The following OR4K17 variants were observed in gnomAD, a reference collection of about 807,000 sequenced individuals.
OR4K17 encodes olfactory receptor family 4 subfamily K member 17.
For missense variants in OR4K17, 480 were observed against 366.3 expected, an observed-to-expected ratio of 1.31 and a Z score of -2.53; for synonymous variants, 157 against 132.8, an observed-to-expected ratio of 1.18 and a Z score of -1.25.
Position 20,118,297 on chromosome 14 carries a change from T to C in OR4K17, c.798T>C (p.Ser266=). The change falls in exon 2 of 2, where the codon TCT becomes TCC. Residue 266 remains serine (S), a synonymous_variant. Transcript: ENST00000641386. ...ACATTTGGCCCTTCGGCAACCACTC[T>C]GTAGATAAGTTCCTTGCTGTGTTTT... ...FIYIWPFGNH[S]VDKFLAVFYT... The C allele has an allele frequency of 2.5e-6, 4 of 1,613,882 alleles. No homozygotes were observed. The highest frequency in any genetic ancestry group is 1.1e-5 in the South Asian group (1 of 91,080).
chr14:20,117,695 C>T lies in OR4K17; in HGVS notation c.196C>T (p.Leu66Phe), dbSNP rs780581545. The change falls in exon 2 of 2, where the codon CTC (leucine) becomes TTC (phenylalanine). Residue 66 changes from leucine (L) to phenylalanine (F), a missense_variant. By Grantham distance (22) the Leu-to-Phe change is conservative. Coordinates refer to ENST00000641386, the MANE Select transcript of OR4K17 (RefSeq NM_001004715.5). ...NTPMYFLLGNLSFVDMTLASF... is the reference protein window; with the variant it reads ...NTPMYFLLGNFSFVDMTLASF... ...TCCCATGTATTTTCTCCTTGGTAAT[C>T]TCTCTTTTGTAGATATGACCCTTGC... is the stretch of plus-strand genomic sequence containing the variant. 1 of 1,613,988 alleles carries T rather than the reference C, an allele frequency of 6.2e-7. No individual in the cohort carries two copies. The highest frequency in any genetic ancestry group is 8.5e-7 in the Non-Finnish European group (1 of 1,179,930).
At chr14:20,113,026 C>T (rs1030007361) in intron 1 of OR4K17, among the ~76,000 whole-genome samples, 14 of 152,046 alleles carry the variant, frequency 9.2e-5, no homozygotes, top group African/African-American at 3.4e-4. Context: ...TTTGACACAG[C>T]TATTGATACA....
rs747067322 is a variant in OR4K17, at chr14:20,118,968, C to A, written c.*530C>A. 2 of 153,140 alleles carry A rather than the reference C, an allele frequency of 1.3e-5. No individual in the cohort carries two copies. The highest frequency in any genetic ancestry group is 2.9e-5 in the Non-Finnish European group (2 of 68,820). The allele number at this position is 153,140 out of a possible 1,614,324, so 9.5% of individuals were successfully genotyped here. A position where few individuals can be genotyped will look rare whatever the true frequency, so the allele number is the denominator to read the frequency against. ...CCTCACCCTAATAGGCCTGGGGACA[C>A]TACAGGAGACTGGGGCTTATTTCAT... On this transcript the variant is annotated 3_prime_UTR_variant, in exon 2 of 2. Transcript: ENST00000641386.
intron 1 of OR4K17, among the ~76,000 whole-genome samples, chr14:20,113,602 C>T (rs1419481152): frequency 6.6e-6 from 1 of 152,006 alleles, no homozygotes; most frequent in East Asian, 1.9e-4. Context: ...TGTGATATAA[C>T]ATACATACTT....
At chr14:20,111,818 A>G (rs1028947353) in intron 1 of OR4K17, 1 of 152,080 alleles carries the variant, frequency 6.6e-6, no homozygotes, top group African/African-American at 2.4e-5. Flanking sequence ...AAATTAGAAG[A>G]TTACTAGGAT....
At position 20,118,356 on chromosome 14, in the gene OR4K17, T is replaced by C; in HGVS notation, c.857T>C (p.Ile286Thr). Residue 286 changes from isoleucine to threonine, a missense_variant, in exon 2 of 2, where the codon ATC (isoleucine) becomes ACC (threonine). Physicochemically the swap from Ile to Thr is moderately conservative, Grantham distance 89. Coordinates refer to ENST00000641386, the MANE Select transcript of OR4K17 (RefSeq NM_001004715.5). ...TIITPILNPIIYTLRNKEMKI... is the reference protein window; with the variant it reads ...TIITPILNPITYTLRNKEMKI... ...ATCACTCCTATCTTGAATCCAATTA[T>C]CTATACTCTGAGAAACAAAGAAATG... 6.2e-7 allele frequency: 1 copy of C among 1,611,796 alleles called. No individual in the cohort carries two copies. The highest frequency in any genetic ancestry group is 8.5e-7 in the Non-Finnish European group (1 of 1,178,020).
At chr14:20,116,266 CCTAT>C (rs1877988579) in intron 1 of OR4K17, among the ~76,000 whole-genome samples, 1 of 152,104 alleles carries the variant, frequency 6.6e-6, no homozygotes, top group African/African-American at 2.4e-5. Flanking sequence ...TTCAATCTGA[CCTAT>C]CTTTTTTATG....
chr14:20,118,188 C>T lies in OR4K17; in HGVS notation c.689C>T (p.Pro230Leu), dbSNP rs1347252519. ...LILITIKNHS[P>L]TGQSKARSTL... ...CTCATAACCATTAAGAACCACTCTC[C>T]TACTGGGCAATCTAAAGCCCGTTCC... The change falls in exon 2 of 2, where the codon CCT becomes CTT. Residue 230 changes from proline (P) to leucine (L), a missense_variant. Coordinates refer to ENST00000641386, the MANE Select transcript of OR4K17 (RefSeq NM_001004715.5). 6.2e-7 allele frequency: 1 copy of T among 1,614,094 alleles called. No individual in the cohort carries two copies. The highest frequency in any genetic ancestry group is 2.2e-5 in the East Asian group (1 of 44,880).
intron 1 of OR4K17, chr14:20,111,904 G>A (rs1016252450): frequency 1.3e-5 from 2 of 151,964 alleles, no homozygotes; most frequent in Non-Finnish European, 2.9e-5. Flanking sequence ...TGTGTGATTT[G>A]CTCAGCAGCC....
At chr14:20,113,875 C>T (rs1359785734) in intron 1 of OR4K17, among the ~76,000 whole-genome samples, 1 of 151,810 alleles carries the variant, frequency 6.6e-6, no homozygotes, top group South Asian at 2.1e-4. Flanking sequence ...TTTTTTATAT[C>T]AGATAGAGAA....
chr14:20,113,085 C>T (rs1480003950), intron 1 of OR4K17, among the ~76,000 whole-genome samples: 4 of 151,880 alleles, frequency 2.6e-5, no homozygotes, highest in African/African-American at 4.8e-5. Context: ...TAGAACATAA[C>T]TTGTGAGTAA....
Position 20,117,944 on chromosome 14 carries a change from T to C in OR4K17, c.445T>C (p.Trp149Arg). The change falls in exon 2 of 2, where the codon TGG (tryptophan) becomes CGG (arginine). Residue 149 changes from tryptophan (W) to arginine (R), a missense_variant. Physicochemically the swap from Trp to Arg is moderately radical, Grantham distance 101. Transcript: ENST00000641386. Reference sequence around the variant, plus strand: ...ATGTGTTTTGCTTGTAGTGACCTCATGGCTCTTGGGTCTCCTTCACTCAGG... The same window carrying C: ...ATGTGTTTTGCTTGTAGTGACCTCACGGCTCTTGGGTCTCCTTCACTCAGG... Reference protein sequence around the residue: ...KVCVLLVVTSWLLGLLHSGFQ... With the variant: ...KVCVLLVVTSRLLGLLHSGFQ... 2 of 1,614,148 alleles carry C rather than the reference T, an allele frequency of 1.2e-6. No homozygotes were observed. Among genetic ancestry groups the C allele is most frequent in the Non-Finnish European group, 8.5e-7 (1 of 1,180,024 alleles).
At position 20,118,705 on chromosome 14, in the gene OR4K17, CA is replaced by C; in HGVS notation, c.*271del. On this transcript the variant is annotated 3_prime_UTR_variant, in exon 2 of 2. Transcript: ENST00000641386. ...ACCAGCAAGTTTTTATTATGGATTT[CA>C]AAAGGGAGGCAGTGTACGAATAGGG... is the stretch of plus-strand genomic sequence containing the variant. The C allele has an allele frequency of 3.6e-6, 1 of 280,970 alleles. No homozygotes were observed. The highest frequency in any genetic ancestry group is 6.7e-6 in the Non-Finnish European group (1 of 148,628). 17.4% of individuals were successfully genotyped at this position (280,970 alleles called of 1,614,324 possible). A position where few individuals can be genotyped will look rare whatever the true frequency, so the allele number is the denominator to read the frequency against.
chr14:20,113,864 A>AT (rs35025717), intron 1 of OR4K17, among the ~76,000 whole-genome samples: 48,013 of 151,694 alleles, frequency 0.32, 8,237 homozygotes, highest in African/African-American at 0.43. Flanking sequence ...AAAATACATA[A>AT]TTTTTTATAT....
chr14:20,117,249 T>C (rs970388021), intron 1 of OR4K17, among the ~76,000 whole-genome samples: 1 of 152,200 alleles, frequency 6.6e-6, no homozygotes, highest in Non-Finnish European at 1.5e-5. Flanking sequence ...TGTGGTTTGC[T>C]TCTGGGAAAC....
At chr14:20,112,719 C>A (rs977134179) in intron 1 of OR4K17, among the ~76,000 whole-genome samples, 8 of 151,940 alleles carry the variant, frequency 5.3e-5, no homozygotes, top group Non-Finnish European at 1.2e-4. Context: ...ATACATCTGT[C>A]GAGGTGAGAC....
At chr14:20,111,571 T>C (rs549256018) in intron 1 of OR4K17, among the ~76,000 whole-genome samples, 5 of 152,110 alleles carry the variant, frequency 3.3e-5, no homozygotes, top group African/African-American at 1.2e-4. Context: ...TTTAAGAGCA[T>C]GTAAGCATTT....
Position 20,118,578 on chromosome 14 carries a change from A to C in OR4K17, c.*140A>C. On this transcript the variant is annotated 3_prime_UTR_variant, in exon 2 of 2. Coordinates refer to ENST00000641386, the MANE Select transcript of OR4K17 (RefSeq NM_001004715.5). ...TTTTCCCTAAGTGTTGACTGGTCTG[A>C]GAAATAAAGGGAAAGAATACAAAAG... 5.2e-6 allele frequency: 3 copies of C among 573,496 alleles called. No homozygotes were observed. The South Asian group carries it at 7.3e-5, about 14-fold the overall frequency. 35.5% of individuals were successfully genotyped at this position (573,496 alleles called of 1,614,324 possible).
chr14:20,111,199 G>A (rs534465943), intron 1 of OR4K17, among the ~76,000 whole-genome samples: 17 of 151,796 alleles, frequency 1.1e-4, no homozygotes, highest in Non-Finnish European at 1.9e-4. Context: ...TATATGCTAG[G>A]AACTTTACCA....
Sources: gnomAD v4.1 joint callset for allele counts (sites outside exome capture counted in the v4.1 genomes callset) on GRCh38, gnomAD v4.1.1 for gene constraint, MANE v1.5 for transcripts, NCBI Gene and HGNC (gene_info 2026-07-23, HGNC 2026-07-21) for gene names.